The following FMN1 variants were observed in gnomAD, a reference collection of about 807,000 sequenced individuals.
FMN1 encodes formin-1.
Under a neutral mutation model 132.4 loss-of-function variants are expected in FMN1, and 110 were observed. The ratio of observed to expected loss-of-function variants is 0.83; its 90% CI spans 0.71 to 0.97. FMN1 has a LOEUF of 0.97. Among genes scored for constraint, FMN1 ranks in the 50% least tolerant of loss-of-function variants. The probability of loss-of-function intolerance (pLI) is 0.00; values close to 1 mark genes in which losing one functional copy is unlikely to be tolerated. For missense variants in FMN1, 1,792 were observed against 1,705.3 expected (o/e 1.05, Z -0.90); for synonymous variants, 722 against 651.7 (o/e 1.11, Z -1.64).
At chr15:33,043,264 G>A (rs1345506752) in intron 6 of FMN1, among the ~76,000 whole-genome samples, 1 of 152,172 alleles carries the variant, frequency 6.6e-6, no homozygotes, top group African/African-American at 2.4e-5. Flanking sequence ...TGTCTTAAAT[G>A]TTTTTCTATA....
At chr15:32,863,230 T>C (rs951300515) in intron 16 of FMN1, among the ~76,000 whole-genome samples, 3 of 152,004 alleles carry the variant, frequency 2.0e-5, no homozygotes, top group Non-Finnish European at 4.4e-5. Context: ...GATCACGAGG[T>C]CAGGAGACCA....
chr15:32,883,860 T>C lies in FMN1; in HGVS notation c.3835+4312A>G, dbSNP rs561649182. Among the ~76,000 whole-genome samples the C allele has an allele frequency of 3.9e-5, 6 of 152,320 alleles. No homozygotes were observed. The South Asian group carries it at 1.2e-3, about 32-fold the overall frequency. ...TAACTACAGAACTTCCCAGAGGCTTTAATAAGCTCATGTGCTTTGAATCCC... is the reference window on the plus strand; with the variant it reads ...TAACTACAGAACTTCCCAGAGGCTTCAATAAGCTCATGTGCTTTGAATCCC... On this transcript the variant is annotated intron_variant, in intron 16 of 20. Coordinates refer to ENST00000616417, the MANE Select transcript of FMN1 (RefSeq NM_001277313.2).
At chr15:32,810,492 C>T (rs1250199985) in intron 17 of FMN1, among the ~76,000 whole-genome samples, 1 of 152,166 alleles carries the variant, frequency 6.6e-6, no homozygotes, top group African/African-American at 2.4e-5. Context: ...CCAGTTTCGT[C>T]TGTATCAGAT....
At chr15:32,886,096 T>C (rs954246283) in intron 16 of FMN1, among the ~76,000 whole-genome samples, 1 of 152,224 alleles carries the variant, frequency 6.6e-6, no homozygotes, top group Non-Finnish European at 1.5e-5. Flanking sequence ...GCCACGATTC[T>C]GGCCATCTTG....
intron 9 of FMN1, among the ~76,000 whole-genome samples, chr15:32,961,440 C>A (rs1451447593): frequency 6.6e-6 from 1 of 152,124 alleles, no homozygotes; most frequent in Non-Finnish European, 1.5e-5. Flanking sequence ...GGCCTGTAAT[C>A]CTTTTTTATA....
intron 4 of FMN1, among the ~76,000 whole-genome samples, chr15:33,113,719 G>A (rs2039802547): frequency 6.6e-6 from 1 of 152,096 alleles, no homozygotes; most frequent in African/African-American, 2.4e-5. Context: ...GTTGAACACT[G>A]TGCATTGGAT....
intron 10 of FMN1, among the ~76,000 whole-genome samples, chr15:32,918,971 G>C (rs1240668213): frequency 1.3e-5 from 2 of 152,266 alleles, no homozygotes; most frequent in Non-Finnish European, 2.9e-5. Context: ...GAAAATATTA[G>C]AGTGACTACT....
chr15:33,073,089 T>C (rs1451178357), intron 5 of FMN1, among the ~76,000 whole-genome samples: 1 of 152,238 alleles, frequency 6.6e-6, no homozygotes, highest in Non-Finnish European at 1.5e-5. Flanking sequence ...AATATCGTTT[T>C]GCGAAAACTG....
chr15:32,850,943 C>T (rs531950761), intron 17 of FMN1, among the ~76,000 whole-genome samples: 2 of 152,048 alleles, frequency 1.3e-5, no homozygotes, highest in South Asian at 4.2e-4. Flanking sequence ...CCTGTAGTCC[C>T]AGCTACTTGG....
intron 4 of FMN1, among the ~76,000 whole-genome samples, chr15:33,139,489 G>T (rs1034634846): frequency 1.8e-4 from 27 of 152,352 alleles, no homozygotes; most frequent in African/African-American, 6.5e-4. Flanking sequence ...TACTCAGGAG[G>T]CTGAGGCAGG....
intron 5 of FMN1, among the ~76,000 whole-genome samples, chr15:33,087,280 C>G (rs1362802454): frequency 1.3e-5 from 2 of 152,202 alleles, no homozygotes; most frequent in Non-Finnish European, 2.9e-5. Flanking sequence ...GATGTGGTGG[C>G]TCACGCCTGT....
intron 5 of FMN1, among the ~76,000 whole-genome samples, chr15:33,080,117 C>A (rs9783724): frequency 0.074 from 11,296 of 152,222 alleles, 559 homozygotes; most frequent in Middle Eastern, 0.12. Context: ...CACATTGTCA[C>A]GAATATCCTA....
intron 19 of FMN1, among the ~76,000 whole-genome samples, chr15:32,788,234 C>T (rs1361674134): frequency 1.3e-5 from 2 of 152,202 alleles, no homozygotes; most frequent in Admixed American, 6.5e-5. Flanking sequence ...CACCCAGAGC[C>T]GACCCGGCGA....
chr15:33,111,952 TTAA>T (rs758030249), intron 4 of FMN1, among the ~76,000 whole-genome samples: 8 of 152,330 alleles, frequency 5.3e-5, no homozygotes, highest in East Asian at 3.9e-4. Context: ...GTATTATATC[TTAA>T]TAAAGCTGTT....
At chr15:32,889,627 T>C (rs1355322972) in intron 15 of FMN1, among the ~76,000 whole-genome samples, 1 of 152,162 alleles carries the variant, frequency 6.6e-6, no homozygotes, top group Non-Finnish European at 1.5e-5. Flanking sequence ...CCCTAGTGCC[T>C]CCTTACACTT....
At chr15:32,927,752 C>G (rs1306120142) in intron 9 of FMN1, among the ~76,000 whole-genome samples, 1 of 152,160 alleles carries the variant, frequency 6.6e-6, no homozygotes, top group East Asian at 1.9e-4. Flanking sequence ...GAAAAAAACT[C>G]TCTTTCCTCT....
intron 17 of FMN1, among the ~76,000 whole-genome samples, chr15:32,847,505 G>A (rs2058886245): frequency 6.6e-6 from 1 of 151,878 alleles, no homozygotes; most frequent in Non-Finnish European, 1.5e-5. Flanking sequence ...GGCTGGGGTG[G>A]GTGGATCACT....
At chr15:32,861,332 A>G (rs1220790592) in intron 16 of FMN1, among the ~76,000 whole-genome samples, 1 of 152,204 alleles carries the variant, frequency 6.6e-6, no homozygotes, top group Non-Finnish European at 1.5e-5. Context: ...CACAGGGTTG[A>G]TCGCTGCAGC....
At chr15:32,928,263 T>C (rs1259748068) in intron 9 of FMN1, among the ~76,000 whole-genome samples, 1 of 152,160 alleles carries the variant, frequency 6.6e-6, no homozygotes, top group African/African-American at 2.4e-5. Context: ...GCATACAGAA[T>C]TTTAGGAGTT....
Sources: gnomAD v4.1 joint callset for allele counts (sites outside exome capture counted in the v4.1 genomes callset) on GRCh38, gnomAD v4.1.1 for gene constraint, MANE v1.5 for transcripts, NCBI Gene and HGNC (gene_info 2026-07-23, HGNC 2026-07-21) for gene names.